The following KATNIP variants were observed in gnomAD, a reference collection of about 807,000 sequenced individuals.
KATNIP encodes katanin interacting protein.
Under a neutral mutation model 174.0 loss-of-function variants are expected in KATNIP, and 126 were observed. That is an observed-to-expected ratio of 0.72 (90% CI 0.63 to 0.84). The LOEUF is 0.84. KATNIP is among the 40% of genes least tolerant of loss of function. KATNIP has a pLI of 0.00. For synonymous variants in KATNIP, 810 were observed against 835.7 expected (o/e 0.97, Z 0.53); for missense variants, 1,958 against 2,109.7 (o/e 0.93, Z 1.41).
chr16:27,750,734 T>A (rs1303936608), intron 16 of KATNIP, among the ~76,000 whole-genome samples: 1 of 102,202 alleles, frequency 9.8e-6, no homozygotes, highest in Non-Finnish European at 2.2e-5. Flanking sequence ...GCCCAGCCCT[T>A]TTTTTTTTTT....
At chr16:27,589,708 C>T (rs916773297) in intron 2 of KATNIP, among the ~76,000 whole-genome samples, 3 of 152,188 alleles carry the variant, frequency 2.0e-5, no homozygotes, top group Non-Finnish European at 4.4e-5. Flanking sequence ...TTTAATCTTC[C>T]AGATCACTAA....
At chr16:27,647,795 A>G (rs1035725175) in intron 5 of KATNIP, among the ~76,000 whole-genome samples, 43 of 152,200 alleles carry the variant, frequency 2.8e-4, no homozygotes, top group African/African-American at 8.9e-4. Flanking sequence ...GTGAGGCACC[A>G]TGCCCCGCCA....
intron 6 of KATNIP, among the ~76,000 whole-genome samples, chr16:27,658,950 A>T (rs565562302): frequency 3.3e-5 from 5 of 150,382 alleles, no homozygotes; most frequent in Admixed American, 1.3e-4. Flanking sequence ...TTTTCCCAGT[A>T]GAGACGGGGT....
In KATNIP at chr16:27,735,584, T is replaced by G. The variant is rs572537479; in HGVS notation, c.1744-4457T>G. Among the ~76,000 whole-genome samples, 3 of 152,348 alleles carry G rather than the reference T, an allele frequency of 2.0e-5. No individual in the cohort carries two copies. In the East Asian group the frequency reaches 5.8e-4, roughly 29 times the overall value. The stretch of plus-strand genomic sequence containing the variant: ...CTGCTAAACAGAGAATCCATCCATA[T>G]AAGCAGGTAAAAGAGTGCTTTGAGA... On this transcript the variant is annotated intron_variant, in intron 14 of 27. Coordinates refer to ENST00000261588, the MANE Select transcript of KATNIP (RefSeq NM_015202.5).
rs141516870 is a variant in KATNIP at position 27,735,990 on chromosome 16, C to T, written c.1744-4051C>T. Reference sequence around the variant, plus strand: ...GAGAAAACCCATGTTTATTCATTTGCTATTCCAAAGTAATTTATTTATTTA... The same window carrying T: ...GAGAAAACCCATGTTTATTCATTTGTTATTCCAAAGTAATTTATTTATTTA... On this transcript the variant is annotated intron_variant, in intron 14 of 27. Transcript: ENST00000261588. 4.6e-5 allele frequency among the ~76,000 whole-genome samples: 7 copies of T among 152,266 alleles called. No homozygotes were observed. The East Asian group carries it at 1.4e-3, about 29-fold the overall frequency.
At chr16:27,688,886 A>G (rs2078617027) in intron 8 of KATNIP, among the ~76,000 whole-genome samples, 1 of 152,184 alleles carries the variant, frequency 6.6e-6, no homozygotes, top group South Asian at 2.1e-4. Context: ...TCTCTCCTGA[A>G]CCAGCCTCCC....
intron 12 of KATNIP, among the ~76,000 whole-genome samples, chr16:27,706,500 C>T (rs942108575): frequency 1.3e-5 from 2 of 152,160 alleles, no homozygotes; most frequent in Admixed American, 6.5e-5. Flanking sequence ...TCAGCAAGAG[C>T]GGGGACAATG....
chr16:27,776,840 C>T lies in KATNIP; in HGVS notation c.4450-88C>T, dbSNP rs2082516360. On this transcript the variant is annotated intron_variant, in intron 24 of 27. Transcript: ENST00000261588. This position sits in a 1 kb window ranked among gnomAD's most constrained non-coding sequence, Gnocchi z 4.7. ...AGGCGCTGCCTTGGGCACCACCGCT[C>T]ACCCCAGCCCACGCCTGGCACCCCC... 2 of 917,694 alleles carry T rather than the reference C, an allele frequency of 2.2e-6. No individual in the cohort carries two copies. The highest frequency in any genetic ancestry group is 3.6e-6 in the Non-Finnish European group (2 of 562,496). 56.8% of individuals were successfully genotyped at this position (917,694 alleles called of 1,614,324 possible). A position where few individuals can be genotyped will look rare whatever the true frequency, so the allele number is the denominator to read the frequency against.
intron 2 of KATNIP, among the ~76,000 whole-genome samples, chr16:27,615,173 G>C (rs1038277515): frequency 1.2e-4 from 19 of 152,188 alleles, no homozygotes; most frequent in African/African-American, 3.1e-4. Flanking sequence ...CTGTTGCCCA[G>C]GCTGCAGTGC....
At chr16:27,612,505 C>A (rs902646292) in intron 2 of KATNIP, among the ~76,000 whole-genome samples, 1 of 152,224 alleles carries the variant, frequency 6.6e-6, no homozygotes, top group African/African-American at 2.4e-5. Flanking sequence ...CGCTTGTAAT[C>A]CCAACACTTT....
At position 27,773,221 on chromosome 16, in the gene KATNIP, A is replaced by C; in HGVS notation, c.4309+12A>C. On this transcript the variant is annotated intron_variant, in intron 23 of 27. Coordinates refer to ENST00000261588, the MANE Select transcript of KATNIP (RefSeq NM_015202.5). ...CTTGTCGGAAAACAGTATCCTTTGT[A>C]GGACAGGAGTGGGCTCCACCCAGAC... The C allele has an allele frequency of 6.4e-7, 1 of 1,567,254 alleles. No homozygotes were observed. The highest frequency in any genetic ancestry group is 8.8e-7 in the Non-Finnish European group (1 of 1,142,674).
rs2082239913 is a variant in KATNIP, at chr16:27,769,868, T to A, written c.3983T>A (p.Ile1328Asn). The change falls in exon 21 of 28, where the codon ATT becomes AAT. Residue 1328 changes from isoleucine (I) to asparagine (N), a missense_variant. Around this residue, in one of 3 missense-constraint regions of KATNIP, gnomAD observed 383 missense variants for 456.0 expected, o/e 0.84. Coordinates refer to ENST00000261588, the MANE Select transcript of KATNIP (RefSeq NM_015202.5). ...SPEDTYRGAK[I>N]VHVSLDGLCV... The stretch of plus-strand genomic sequence containing the variant: ...ATTTCTTTTGTTTGCCAGGCCAAGA[T>A]TGTCCACGTCTCCCTGGATGGCCTG... 1 of 1,613,720 alleles carries A rather than the reference T, an allele frequency of 6.2e-7. No individual in the cohort carries two copies. The highest frequency in any genetic ancestry group is 1.3e-5 in the African/African-American group (1 of 74,944).
chr16:27,741,629 G>A (rs552550555), intron 15 of KATNIP, among the ~76,000 whole-genome samples: 7 of 151,612 alleles, frequency 4.6e-5, no homozygotes, highest in Admixed American at 2.6e-4. Context: ...CAGGCCGGGC[G>A]CAATGGCTCA....
chr16:27,668,731 T>G (rs182384210), intron 6 of KATNIP, among the ~76,000 whole-genome samples: 2 of 152,196 alleles, frequency 1.3e-5, no homozygotes, highest in Non-Finnish European at 2.9e-5. Context: ...GGTGGCTGGG[T>G]GTGGTGGTTC....
intron 20 of KATNIP, among the ~76,000 whole-genome samples, chr16:27,766,883 G>T (rs987481727): frequency 4.6e-5 from 7 of 152,138 alleles, no homozygotes; most frequent in African/African-American, 1.7e-4. Flanking sequence ...ATTTCTTAGG[G>T]TCTAAAACTG....
At chr16:27,648,865 C>G in intron 6 of KATNIP, 130 bp downstream of exon 6, 1 of 1,102,452 alleles carries the variant, frequency 9.1e-7, no homozygotes. Context: ...TTCCTTCACT[C>G]TTGCGTTCAT....
chr16:27,605,386 G>A (rs1263789691), intron 2 of KATNIP, among the ~76,000 whole-genome samples: 3 of 152,182 alleles, frequency 2.0e-5, no homozygotes, highest in Admixed American at 2.0e-4. Context: ...AGATAGCTAT[G>A]TAAGAAAAAC....
chr16:27,750,045 C>CG lies in KATNIP; in HGVS notation c.3086dup (p.Val1030ArgfsTer15), dbSNP rs1567395317. On this transcript the variant is annotated frameshift_variant, in exon 16 of 28. Transcript: ENST00000261588. LOFTEE classifies it high-confidence loss of function. ...TTTACCAGCCTATGGGAAAGACCCC[C>CG]GCGTGGTCACCAACCTCATCGACGG... 1 of 1,614,176 alleles carries CG rather than the reference C, an allele frequency of 6.2e-7. No homozygotes were observed. Among genetic ancestry groups the CG allele is most frequent in the Non-Finnish European group, 8.5e-7 (1 of 1,180,024 alleles).
At chr16:27,712,411 C>T (rs1196835127) in intron 13 of KATNIP, among the ~76,000 whole-genome samples, 1 of 152,164 alleles carries the variant, frequency 6.6e-6, no homozygotes, top group Admixed American at 6.5e-5. Flanking sequence ...TCGTTTAACC[C>T]TCACATGAAC....
Sources: allele counts gnomAD v4.1 joint callset (sites outside exome capture counted in the v4.1 genomes callset), GRCh38; gene constraint gnomAD v4.1.1; regional missense constraint gnomAD v4.1.1; non-coding constraint Gnocchi (gnomAD v3.1); transcripts MANE v1.5; gene names NCBI Gene and HGNC (gene_info 2026-07-23, HGNC 2026-07-21).